FOCAD: variants seen among roughly 807,000 people sequenced by gnomAD.
FOCAD encodes KIAA1797.
In FOCAD, 198 loss-of-function variants were observed where a neutral mutation model predicts 225.6. The observed-to-expected ratio is 0.88, with a 90% CI of 0.78 to 0.99. FOCAD has a LOEUF of 0.99. Among genes scored for constraint, FOCAD ranks in the 50% least tolerant of loss-of-function variants. The pLI is 0.00. For missense variants in FOCAD, 2,713 were observed against 2,123.6 expected (o/e 1.28, Z -5.46); for synonymous variants, 897 against 755.0 (o/e 1.19, Z -3.08).
intron 11 of FOCAD, among the ~76,000 whole-genome samples, chr9:20,802,281 A>G (rs1821929150): frequency 6.6e-6 from 1 of 152,126 alleles, no homozygotes; most frequent in Admixed American, 6.5e-5. Flanking sequence ...TCTAAAGAAA[A>G]CAAGCATGTA....
Position 20,865,908 on chromosome 9 carries a change from T to C in FOCAD, c.2056-18T>C. 4.4e-6 allele frequency: 7 copies of C among 1,587,562 alleles called. No individual in the cohort carries two copies. The highest frequency in any genetic ancestry group is 6.0e-6 in the Non-Finnish European group (7 of 1,163,538). ...GCTTGGTCTTAACAATTTATTCTTT[T>C]GTATGTTAACTTTTCAGAATTTTAA... is the stretch of plus-strand genomic sequence containing the variant. On this transcript the variant is annotated intron_variant, in intron 16 of 43. Transcript: ENST00000338382.
intron 35 of FOCAD, among the ~76,000 whole-genome samples, chr9:20,972,801 C>A (rs1358033109): frequency 6.6e-6 from 1 of 152,142 alleles, no homozygotes; most frequent in Non-Finnish European, 1.5e-5. Context: ...TCTTCTTCCA[C>A]CTTTTCAGTG....
At chr9:20,993,142 G>C in intron 42 of FOCAD, 111 bp from the exon 43 acceptor site, 1 of 773,560 alleles carries the variant, frequency 1.3e-6, no homozygotes, top group East Asian at 2.7e-5. Flanking sequence ...CCAGCTACTG[G>C]GGAGGCTGAG....
In FOCAD at chr9:20,966,449, A is replaced by G. The variant is rs140023709; in HGVS notation, c.4133-9971A>G. On this transcript the variant is annotated intron_variant, in intron 35 of 43. Coordinates refer to ENST00000338382, the MANE Select transcript of FOCAD (RefSeq NM_001375567.1). ...AATAGACCCTTATTTATAATTTGCA[A>G]ATTCTGCCATTCTATAGATTGTCTT... 1.2e-4 allele frequency among the ~76,000 whole-genome samples: 19 copies of G among 152,196 alleles called. No individual in the cohort carries two copies. In the East Asian group the frequency reaches 3.7e-3, roughly 29 times the overall value.
At chr9:20,758,279 G>C (rs976559028) in intron 6 of FOCAD, 88 bp downstream of exon 6, 11 of 875,188 alleles carry the variant, frequency 1.3e-5, no homozygotes, top group Non-Finnish European at 1.4e-5. Flanking sequence ...TTGTTTGTTT[G>C]TTTCTTTTTA....
chr9:20,681,243 A>G (rs1307460570), upstream of FOCAD, among the ~76,000 whole-genome samples: 1 of 152,210 alleles, frequency 6.6e-6, no homozygotes, highest in African/African-American at 2.4e-5. Context: ...TTATCATTTC[A>G]TATGAGAAAA....
intron 28 of FOCAD, among the ~76,000 whole-genome samples, chr9:20,936,050 T>C (rs1299987593): frequency 6.6e-6 from 1 of 152,342 alleles, no homozygotes; most frequent in East Asian, 1.9e-4. Context: ...TAGGTGAATA[T>C]ATGGTATGGT....
intron 7 of FOCAD, among the ~76,000 whole-genome samples, chr9:20,767,460 A>G (rs999219253): frequency 6.7e-6 from 1 of 149,096 alleles, no homozygotes; most frequent in Admixed American, 6.7e-5. Flanking sequence ...AAGTGTTCCT[A>G]TTTCTCCACG....
intron 26 of FOCAD, among the ~76,000 whole-genome samples, chr9:20,928,605 C>G (rs1835177412): frequency 6.6e-6 from 1 of 152,078 alleles, no homozygotes; most frequent in Non-Finnish European, 1.5e-5. Flanking sequence ...CTTATAGAAG[C>G]TGTTCATATT....
chr9:20,986,479 G>T lies in FOCAD; in HGVS notation c.4906+14G>T. On this transcript the variant is annotated intron_variant, in intron 40 of 43. Coordinates refer to ENST00000338382, the MANE Select transcript of FOCAD (RefSeq NM_001375567.1). ...ATGCCAATACGGGTGAGGACACCCT[G>T]GGGTGAACATCAGAAACAGGAATAG... The T allele has an allele frequency of 6.3e-7, 1 of 1,579,094 alleles. No homozygotes were observed.
chr9:20,846,885 A>G (rs912254054), intron 15 of FOCAD, among the ~76,000 whole-genome samples: 2 of 152,054 alleles, frequency 1.3e-5, no homozygotes, highest in African/African-American at 2.4e-5. Flanking sequence ...CTTTTTATAA[A>G]CATCTTCACA....
chr9:20,813,480 A>G (rs1330923662), intron 11 of FOCAD, among the ~76,000 whole-genome samples: 2 of 152,180 alleles, frequency 1.3e-5, no homozygotes, highest in African/African-American at 4.8e-5. Flanking sequence ...CCAACAGTGC[A>G]CAGATGTTCT....
intron 7 of FOCAD, among the ~76,000 whole-genome samples, chr9:20,765,934 G>A (rs1231264891): frequency 2.0e-5 from 3 of 152,150 alleles, no homozygotes; most frequent in South Asian, 2.1e-4. Flanking sequence ...GTGTTAGCAG[G>A]GAGTGACTTG....
chr9:20,782,407 C>T (rs1429034422), intron 10 of FOCAD, among the ~76,000 whole-genome samples: 1 of 152,164 alleles, frequency 6.6e-6, no homozygotes, highest in East Asian at 1.9e-4. Flanking sequence ...CATAATGGCT[C>T]TCGATGTCCC....
At chr9:20,865,071 A>G (rs924120093) in intron 16 of FOCAD, among the ~76,000 whole-genome samples, 8 of 152,114 alleles carry the variant, frequency 5.3e-5, no homozygotes, top group African/African-American at 1.9e-4. Context: ...TTTTCGCATT[A>G]TACCATGTTA....
intron 35 of FOCAD, among the ~76,000 whole-genome samples, chr9:20,954,822 C>T (rs1262116340): frequency 6.6e-6 from 1 of 152,156 alleles, no homozygotes; most frequent in Non-Finnish European, 1.5e-5. Context: ...TCTATTCAGC[C>T]TTACACATTA....
intron 18 of FOCAD, among the ~76,000 whole-genome samples, chr9:20,870,057 T>C (rs1031937785): frequency 1.3e-5 from 2 of 152,208 alleles, no homozygotes; most frequent in Admixed American, 6.5e-5. Flanking sequence ...AGTTTCCTTG[T>C]TAAAAGAATC....
chr9:20,795,285 A>G (rs1820931890), intron 11 of FOCAD, among the ~76,000 whole-genome samples: 1 of 152,320 alleles, frequency 6.6e-6, no homozygotes, highest in African/African-American at 2.4e-5. Flanking sequence ...ATGTTTAAAA[A>G]TGACGAATAT....
intron 35 of FOCAD, among the ~76,000 whole-genome samples, chr9:20,964,277 G>T (rs1167303091): frequency 6.6e-6 from 1 of 152,134 alleles, no homozygotes; most frequent in Non-Finnish European, 1.5e-5. Context: ...TGAGGCAGGA[G>T]AATCGCTTGA....
Sources: allele counts gnomAD v4.1 joint callset (sites outside exome capture counted in the v4.1 genomes callset), GRCh38; gene constraint gnomAD v4.1.1; transcripts MANE v1.5; gene names NCBI Gene and HGNC (gene_info 2026-07-23, HGNC 2026-07-21).